Variants in RNASEH1 observed in about 807,000 individuals in gnomAD.
RNASEH1 encodes the protein ribonuclease H1.
A neutral mutation model predicts 34.6 loss-of-function variants in RNASEH1; 27 were observed. That is an observed-to-expected ratio of 0.78 (90% CI 0.58 to 1.08). The LOEUF is 1.08. RNASEH1 is among the 50% of genes least tolerant of loss of function. The probability of loss-of-function intolerance (pLI) is 0.00; values close to 1 mark genes in which losing one functional copy is unlikely to be tolerated. For synonymous variants in RNASEH1, 162 were observed against 138.4 expected, an observed-to-expected ratio of 1.17 and a Z score of -1.20; for missense variants, 349 against 373.6, an observed-to-expected ratio of 0.93 and a Z score of 0.54.
chr2:3,552,329 C>T (rs754705410), intron 2 of RNASEH1, 21 bp from the exon 3 acceptor site: 6 of 1,608,386 alleles, frequency 3.7e-6, no homozygotes, highest in Admixed American at 3.4e-5. Flanking sequence ...AGAGTCCACT[C>T]GTGAGCTGGA....
chr2:3,546,953 T>A (rs895220003), intron 7 of RNASEH1, among the ~76,000 whole-genome samples: 2 of 152,106 alleles, frequency 1.3e-5, no homozygotes, highest in Admixed American at 1.3e-4. Flanking sequence ...CAAAACTCCA[T>A]CGCTACTAAA....
At chr2:3,550,105 T>C (rs561085341) in intron 4 of RNASEH1, 229 of 400,208 alleles carry the variant, frequency 5.7e-4, no homozygotes, top group Middle Eastern at 1.5e-3. Context: ...TTTGTGCCAC[T>C]GTACTCCATC....
chr2:3,538,367 A>AAT (rs200243397), downstream of RNASEH1, among the ~76,000 whole-genome samples: 1,015 of 150,694 alleles, frequency 6.7e-3, 10 homozygotes, highest in African/African-American at 0.023. Context: ...AAATATATAT[A>AAT]ATATATATAT....
At position 3,547,788 on chromosome 2, in the gene RNASEH1, C is replaced by T. The variant is rs991937670; in HGVS notation, c.774+143G>A. 42 of 881,716 alleles carry T rather than the reference C, an allele frequency of 4.8e-5. No individual in the cohort carries two copies. In the Admixed American group the frequency reaches 9.5e-4, roughly 20 times the overall value. 54.6% of individuals were successfully genotyped at this position (881,716 alleles called of 1,614,324 possible). The stretch of plus-strand genomic sequence containing the variant: ...AGGCGTGAGCCACTACGCCCAGCCT[C>T]AAATACGTTGTAATATACATTATGA... On this transcript the variant is annotated intron_variant, in intron 7 of 7. Transcript: ENST00000315212.
At chr2:3,558,033 G>C (rs975530047) in intron 1 of RNASEH1, 100 bp downstream of exon 1, 8 of 1,480,660 alleles carry the variant, frequency 5.4e-6, no homozygotes, top group Non-Finnish European at 7.2e-6. Context: ...GCGCGGCACA[G>C]ACTCGGACCG....
rs139632593 is a variant in RNASEH1, at chr2:3,556,512, C to T, written c.244+277G>A. 2.2e-3 allele frequency among the ~76,000 whole-genome samples: 328 copies of T among 151,968 alleles called. 2 individuals carry two copies. Among genetic ancestry groups the T allele is most frequent in the African/African-American group, 7.3e-3 (302 of 41,420 alleles). ...TAGAGATGGAGTTTCATCATGTTGGCCAGGCTGGACAAGTATTTTTTTAAA... is the reference window on the plus strand; with the variant it reads ...TAGAGATGGAGTTTCATCATGTTGGTCAGGCTGGACAAGTATTTTTTTAAA... On this transcript the variant is annotated intron_variant, in intron 2 of 7. Coordinates refer to ENST00000315212, the MANE Select transcript of RNASEH1 (RefSeq NM_002936.6).
At chr2:3,548,809 C>T in intron 5 of RNASEH1, 85 bp from the exon 6 acceptor site, 1 of 950,748 alleles carries the variant, frequency 1.1e-6, no homozygotes, top group East Asian at 2.4e-5. Flanking sequence ...GAAATTGAAA[C>T]ATCCCCTCTG....
At position 3,546,681 on chromosome 2, in the gene RNASEH1, C is replaced by T. The variant is rs537365384; in HGVS notation, c.775-810G>A. ...CCTGTGTATTCTATGCCTAGTGACA[C>T]TCTCACTAGAATTGTATTACTTGTG... On this transcript the variant is annotated intron_variant, in intron 7 of 7. Coordinates refer to ENST00000315212, the MANE Select transcript of RNASEH1 (RefSeq NM_002936.6). 2.0e-5 allele frequency among the ~76,000 whole-genome samples: 3 copies of T among 152,332 alleles called. No homozygotes were observed. The South Asian group carries it at 6.2e-4, about 32-fold the overall frequency.
intron 7 of RNASEH1, 99 bp from the exon 8 acceptor site, chr2:3,545,970 C>T: frequency 2.4e-6 from 2 of 827,832 alleles, no homozygotes; most frequent in Non-Finnish European, 4.1e-6. Context: ...ACAGACTGCA[C>T]AGCATAAGCT....
chr2:3,554,750 T>G (rs1404090883), intron 2 of RNASEH1, among the ~76,000 whole-genome samples: 1 of 152,080 alleles, frequency 6.6e-6, no homozygotes, highest in Non-Finnish European at 1.5e-5. Context: ...AACAAAAAAT[T>G]TGTGAAAAGG....
In RNASEH1 at chr2:3,541,570, T is replaced by A. The variant is rs929001900; in HGVS notation, c.*4215A>T. ...GGATTATTGATGTACACAAAATGGG[T>A]GAATGCCAAAATAATTATGCTGAGT... On this transcript the variant is annotated 3_prime_UTR_variant, in exon 8 of 8. Transcript: ENST00000315212. Among the ~76,000 whole-genome samples, 14 of 152,098 alleles carry A rather than the reference T, an allele frequency of 9.2e-5. No individual in the cohort carries two copies. Among genetic ancestry groups the A allele is most frequent in the African/African-American group, 2.9e-4 (12 of 41,398 alleles).
Position 3,558,114 on chromosome 2 carries a change from C to T in RNASEH1, c.128+19G>A. On this transcript the variant is annotated intron_variant, in intron 1 of 7. Coordinates refer to ENST00000315212, the MANE Select transcript of RNASEH1 (RefSeq NM_002936.6). ...CCCCGATGCCGGCAGGGAGGCGCCTCGGCGGGCGGGCCACTCACCAGGTCA... is the reference window on the plus strand; with the variant it reads ...CCCCGATGCCGGCAGGGAGGCGCCTTGGCGGGCGGGCCACTCACCAGGTCA... The T allele has an allele frequency of 6.3e-7, 1 of 1,577,948 alleles. No homozygotes were observed. The highest frequency in any genetic ancestry group is 1.1e-5 in the South Asian group (1 of 87,024).
rs150883559 is a variant in RNASEH1 at position 3,545,236 on chromosome 2, A to G, written c.*549T>C. The G allele has an allele frequency of 2.2e-3, 346 of 155,624 alleles. 3 individuals are homozygous for G. The Middle Eastern group carries it at 0.04, about 18-fold the overall frequency. The allele number at this position is 155,624 out of a possible 1,614,324, so 9.6% of individuals were successfully genotyped here. On this transcript the variant is annotated 3_prime_UTR_variant, in exon 8 of 8. Coordinates refer to ENST00000315212, the MANE Select transcript of RNASEH1 (RefSeq NM_002936.6). ...GGTCGCCGCAGGCAGGCTTTGCCCT[A>G]TACTAACTGCCCAGCAAGCAGGCAC...
At chr2:3,552,089 A>G (rs1659982749) in intron 3 of RNASEH1, 55 bp downstream of exon 3, 1 of 1,478,940 alleles carries the variant, frequency 6.8e-7, no homozygotes, top group South Asian at 1.2e-5. Context: ...CACCTTTTAC[A>G]CATAACATTT....
At position 3,543,266 on chromosome 2, in the gene RNASEH1, A is replaced by C. The variant is rs965090508; in HGVS notation, c.*2519T>G. Among the ~76,000 whole-genome samples, 2 of 152,204 alleles carry C rather than the reference A, an allele frequency of 1.3e-5. No homozygotes were observed. Among genetic ancestry groups the C allele is most frequent in the African/African-American group, 4.8e-5 (2 of 41,462 alleles). On this transcript the variant is annotated 3_prime_UTR_variant, in exon 8 of 8. Transcript: ENST00000315212. ...TAAATACAGCCTGCACACAACGCAC[A>C]GGAGAACGTTCTGAACCACTTTTGG...
At chr2:3,552,040 G>C (rs1659978937) in intron 3 of RNASEH1, 104 bp downstream of exon 3, 2 of 848,516 alleles carry the variant, frequency 2.4e-6, no homozygotes, top group African/African-American at 3.4e-5. Context: ...GAATGAAGAT[G>C]ATAAACACCA....
chr2:3,548,899 G>GA (rs1293495254), intron 5 of RNASEH1, among the ~76,000 whole-genome samples, 159 bp downstream of exon 5: 5 of 151,760 alleles, frequency 3.3e-5, no homozygotes, highest in African/African-American at 1.2e-4. Flanking sequence ...TAAGTTTTTA[G>GA]AATTTTTCTA....
At chr2:3,537,320 T>A (rs1277981101), downstream of RNASEH1, among the ~76,000 whole-genome samples, 1 of 152,070 alleles carries the variant, frequency 6.6e-6, no homozygotes, top group Non-Finnish European at 1.5e-5. Flanking sequence ...CTGGTCAGAG[T>A]CCCACAGCAC....
At chr2:3,548,951 C>G in intron 5 of RNASEH1, 107 bp downstream of exon 5, 1 of 993,344 alleles carries the variant, frequency 1.0e-6, no homozygotes, top group Non-Finnish European at 1.5e-6. Context: ...ACCCGTCTCT[C>G]TTCAAATATC....
Sources: allele counts gnomAD v4.1 joint callset (sites outside exome capture counted in the v4.1 genomes callset), GRCh38; gene constraint gnomAD v4.1.1; transcripts MANE v1.5; gene names NCBI Gene and HGNC (gene_info 2026-07-23, HGNC 2026-07-21).